Variants in GRIK2 observed in about 807,000 individuals in gnomAD.
GRIK2 encodes the protein glutamate receptor ionotropic, kainate 2.
GRIK2 carries 32 observed loss-of-function variants against 100.3 expected under a neutral mutation model. That is an observed-to-expected ratio of 0.32 (90% CI 0.24 to 0.43). The LOEUF (loss-of-function observed/expected upper bound fraction) is 0.43, where lower values mean the gene tolerates loss of function less well. GRIK2 is among the 20% of genes least tolerant of loss of function. The pLI is 1.00. For synonymous variants in GRIK2, 417 were observed against 389.4 expected (o/e 1.07, Z -0.83); for missense variants, 843 against 1,114.9 (o/e 0.76, Z 3.47).
At chr6:101,805,708 A>G (rs1206148409) in intron 9 of GRIK2, among the ~76,000 whole-genome samples, 1 of 152,068 alleles carries the variant, frequency 6.6e-6, no homozygotes, top group African/African-American at 2.4e-5. Context: ...TTATAAAATT[A>G]TAAGATTGGG....
intron 12 of GRIK2, among the ~76,000 whole-genome samples, chr6:101,910,374 G>GT (rs1268237750): frequency 6.6e-6 from 1 of 150,984 alleles, no homozygotes; most frequent in Non-Finnish European, 1.5e-5. Context: ...TGAGTCAATT[G>GT]TTACTAATTT....
chr6:101,882,773 A>G (rs530502664), intron 11 of GRIK2, among the ~76,000 whole-genome samples: 44 of 152,242 alleles, frequency 2.9e-4, no homozygotes, highest in Middle Eastern at 3.4e-3. Context: ...TAGTATGGGA[A>G]ATATACAATT....
intron 10 of GRIK2, among the ~76,000 whole-genome samples, chr6:101,820,197 T>A (rs984795582): frequency 6.6e-6 from 1 of 152,182 alleles, no homozygotes; most frequent in African/African-American, 2.4e-5. Flanking sequence ...GCTATTCTTA[T>A]TTCATGTGTG....
intron 12 of GRIK2, among the ~76,000 whole-genome samples, chr6:101,903,610 T>G (rs2128462554): frequency 6.6e-6 from 1 of 151,886 alleles, no homozygotes; most frequent in East Asian, 1.9e-4. Flanking sequence ...AAATTCAAAT[T>G]TGCCGAACTA....
At chr6:101,917,008 G>A (rs1264593174) in intron 12 of GRIK2, among the ~76,000 whole-genome samples, 2 of 151,494 alleles carry the variant, frequency 1.3e-5, no homozygotes, top group Non-Finnish European at 3.0e-5. Flanking sequence ...TCAGCAGATT[G>A]TACTTAACAG....
chr6:101,546,827 T>TC (rs1295680933), intron 2 of GRIK2, among the ~76,000 whole-genome samples: 1 of 86,554 alleles, frequency 1.2e-5, no homozygotes, highest in African/African-American at 5.2e-5. Flanking sequence ...TTCTTTTTTT[T>TC]TTTTTTTTTT....
chr6:101,491,521 G>T (rs1372538278), intron 2 of GRIK2, among the ~76,000 whole-genome samples: 1 of 151,868 alleles, frequency 6.6e-6, no homozygotes, highest in African/African-American at 2.4e-5. Flanking sequence ...AATATAAAAA[G>T]AATATTATAA....
At chr6:101,594,625 A>G (rs1184169916) in intron 2 of GRIK2, among the ~76,000 whole-genome samples, 1 of 151,752 alleles carries the variant, frequency 6.6e-6, no homozygotes, top group Admixed American at 6.6e-5. Context: ...ATCCCTTACC[A>G]AAAAGACCTT....
At chr6:101,455,396 T>C (rs1770947051) in intron 2 of GRIK2, among the ~76,000 whole-genome samples, 1 of 152,106 alleles carries the variant, frequency 6.6e-6, no homozygotes, top group Non-Finnish European at 1.5e-5. Flanking sequence ...AAAATTCTTC[T>C]AAGGATATTG....
chr6:101,661,661 G>C (rs1769624145), intron 4 of GRIK2, among the ~76,000 whole-genome samples: 1 of 152,112 alleles, frequency 6.6e-6, no homozygotes, highest in African/African-American at 2.4e-5. Flanking sequence ...GAAAAGCATA[G>C]TATCTTGGCT....
intron 14 of GRIK2, among the ~76,000 whole-genome samples, chr6:101,943,346 G>A (rs1275129596): frequency 6.6e-6 from 1 of 152,202 alleles, no homozygotes; most frequent in East Asian, 1.9e-4. Context: ...GTGTGGAGGG[G>A]AAATGTGGGG....
chr6:102,022,901 T>C (rs1053283417), intron 14 of GRIK2, among the ~76,000 whole-genome samples: 1 of 151,518 alleles, frequency 6.6e-6, no homozygotes, highest in Non-Finnish European at 1.5e-5. Flanking sequence ...TAACAGAGCT[T>C]TATAAGTGAG....
At chr6:101,818,829 A>C (rs1380756677) in intron 10 of GRIK2, among the ~76,000 whole-genome samples, 1 of 152,222 alleles carries the variant, frequency 6.6e-6, no homozygotes, top group African/African-American at 2.4e-5. Flanking sequence ...ATGAGCCAAA[A>C]GTGAACTTTG....
intron 2 of GRIK2, among the ~76,000 whole-genome samples, chr6:101,436,578 T>C (rs1769729132): frequency 6.6e-6 from 1 of 152,018 alleles, no homozygotes; most frequent in South Asian, 2.1e-4. Context: ...GCAAGATTTT[T>C]ATGTGGGAGC....
rs1212111262 is a variant in GRIK2, at chr6:102,056,486, A to G, written c.2562+906A>G. Among the ~76,000 whole-genome samples the G allele has an allele frequency of 3.3e-5, 5 of 152,076 alleles. No homozygotes were observed. The East Asian group carries it at 9.7e-4, about 29-fold the overall frequency. On this transcript the variant is annotated intron_variant, in intron 16 of 16. Transcript: ENST00000369134. ...ACATTATTTAATCTTTTGTATGTAA[A>G]CATCTCTTTTGTTTTTGAAGAAACT...
intron 14 of GRIK2, chr6:101,993,202 A>C (rs1794464728): frequency 6.6e-6 from 1 of 151,302 alleles, no homozygotes; most frequent in African/African-American, 2.4e-5. Flanking sequence ...AAGAATGAGG[A>C]GGAATAAGAA....
chr6:101,946,997 G>A (rs929765959), intron 14 of GRIK2, among the ~76,000 whole-genome samples: 32 of 151,996 alleles, frequency 2.1e-4, no homozygotes, highest in African/African-American at 7.2e-4. Context: ...TGAGCAAAAC[G>A]TTGCTACCTT....
chr6:101,963,442 C>A (rs1417054237), intron 14 of GRIK2, among the ~76,000 whole-genome samples: 1 of 146,998 alleles, frequency 6.8e-6, no homozygotes, highest in Non-Finnish European at 1.5e-5. Flanking sequence ...GGACTACAGG[C>A]GCCTGCCACA....
chr6:101,721,799 C>A (rs557069547), intron 7 of GRIK2, among the ~76,000 whole-genome samples: 5 of 151,854 alleles, frequency 3.3e-5, no homozygotes, highest in Non-Finnish European at 1.5e-5. Context: ...ACATGGAACA[C>A]ATATATTATT....
Sources: allele counts gnomAD v4.1 joint callset (sites outside exome capture counted in the v4.1 genomes callset), GRCh38; gene constraint gnomAD v4.1.1; transcripts MANE v1.5; gene names NCBI Gene and HGNC (gene_info 2026-07-23, HGNC 2026-07-21).